Variants in ASCC3 observed in about 807,000 individuals in gnomAD.
The protein encoded by ASCC3 is ASC-1 complex subunit P200.
ASCC3 carries 158 observed loss-of-function variants against 256.3 expected under a neutral mutation model. The observed-to-expected ratio is 0.62, with a 90% CI of 0.54 to 0.70. The LOEUF (loss-of-function observed/expected upper bound fraction) is 0.70. ASCC3 is among the 30% of genes least tolerant of loss of function. The pLI is 0.00. For missense variants in ASCC3, 2,259 were observed against 2,626.0 expected (o/e 0.86, Z 3.05); for synonymous variants, 948 against 883.4 (o/e 1.07, Z -1.30).
At chr6:100,587,174 C>T (rs1332583576) in intron 36 of ASCC3, among the ~76,000 whole-genome samples, 2 of 152,128 alleles carry the variant, frequency 1.3e-5, no homozygotes, top group Admixed American at 1.3e-4. Context: ...CATCCTGCAC[C>T]CTACAGCTTC....
intron 11 of ASCC3, among the ~76,000 whole-genome samples, chr6:100,723,845 G>A (rs1332198773): frequency 7.8e-6 from 1 of 127,866 alleles, no homozygotes; most frequent in Non-Finnish European, 1.6e-5. Context: ...GATATGGCCA[G>A]AAGTTATTAG....
intron 36 of ASCC3, 32 bp from the exon 37 acceptor site, chr6:100,540,419 A>G (rs1021880892): frequency 5.9e-6 from 9 of 1,531,684 alleles, no homozygotes; most frequent in Middle Eastern, 4.0e-4. Context: ...ACATTGTTGG[A>G]TCAAAGTATA....
At chr6:100,625,398 G>T (rs2145358) in intron 29 of ASCC3, 64 bp from the exon 30 acceptor site, 1 of 1,564,134 alleles carries the variant, frequency 6.4e-7, no homozygotes, top group Non-Finnish European at 8.8e-7. Flanking sequence ...AATTTCATTA[G>T]GATATCAAAT....
intron 4 of ASCC3, among the ~76,000 whole-genome samples, chr6:100,819,276 A>T (rs1006394373): frequency 6.6e-6 from 1 of 152,064 alleles, no homozygotes; most frequent in African/African-American, 2.4e-5. Context: ...TATCAAACCT[A>T]CACGTTGTGC....
At chr6:100,655,920 T>A in intron 16 of ASCC3, 102 bp from the exon 17 acceptor site, 1 of 1,339,686 alleles carries the variant, frequency 7.5e-7, no homozygotes, top group Non-Finnish European at 1.1e-6. Context: ...AATACATCAT[T>A]ATGCAGTATT....
intron 25 of ASCC3, among the ~76,000 whole-genome samples, 167 bp downstream of exon 25, chr6:100,638,434 A>T (rs995853507): frequency 1.3e-5 from 2 of 152,134 alleles, no homozygotes; most frequent in African/African-American, 4.8e-5. Context: ...ATATAACCAA[A>T]CTCATGATAT....
At chr6:100,741,057 T>A (rs1780412688) in intron 10 of ASCC3, among the ~76,000 whole-genome samples, 1 of 152,224 alleles carries the variant, frequency 6.6e-6, no homozygotes, top group African/African-American at 2.4e-5. Context: ...TCTTCAAGAG[T>A]TCTTGCAAGG....
Position 100,758,976 on chromosome 6 carries a change from A to C in ASCC3, c.1737+7589T>G, listed in dbSNP as rs151109533. Among the ~76,000 whole-genome samples, 32 of 152,216 alleles carry C rather than the reference A, an allele frequency of 2.1e-4. 1 individual carries two copies. The highest frequency in any genetic ancestry group is 7.5e-4 in the African/African-American group (31 of 41,544). On this transcript the variant is annotated intron_variant, in intron 10 of 41. Transcript: ENST00000369162. ...GTCTCTCACTGTGGTTTTGATTTGC[A>C]TTTCTCTAATGATCAGTGATTTTGA...
intron 10 of ASCC3, among the ~76,000 whole-genome samples, chr6:100,744,939 T>G (rs1479829051): frequency 6.6e-6 from 1 of 152,198 alleles, no homozygotes; most frequent in African/African-American, 2.4e-5. Context: ...CAAGAGACTG[T>G]AAGCTTAACT....
rs753791620 is a variant in ASCC3, at chr6:100,518,005, A to G, written c.5913T>C (p.His1971=). The part of the protein sequence containing the change: ...LLTLPNIENH[H]LHLFKKWKPI... ...AAAACAATTACTTGAAAAGGTGAAG[A>G]TGATGGTTTTCTATGTTTGGTAGTG... Residue 1971 remains histidine (H), a synonymous_variant, in exon 38 of 42, where the codon CAT becomes CAC. Coordinates refer to ENST00000369162, the MANE Select transcript of ASCC3 (RefSeq NM_006828.4). 2.2e-5 allele frequency: 36 copies of G among 1,613,322 alleles called. No individual in the cohort carries two copies. The highest frequency in any genetic ancestry group is 2.0e-4 in the South Asian group (18 of 91,060).
At chr6:100,796,809 C>T (rs527454949) in intron 8 of ASCC3, among the ~76,000 whole-genome samples, 6 of 152,202 alleles carry the variant, frequency 3.9e-5, no homozygotes, top group Non-Finnish European at 8.8e-5. Context: ...AATATAGTTT[C>T]ACCAAAAACT....
chr6:100,612,827 GCT>G (rs1483131724), intron 30 of ASCC3, among the ~76,000 whole-genome samples: 2 of 151,886 alleles, frequency 1.3e-5, no homozygotes, highest in African/African-American at 4.8e-5. Context: ...ATACTTCGTT[GCT>G]CTTTCTGACG....
At chr6:100,720,351 C>G (rs1779269892) in intron 11 of ASCC3, among the ~76,000 whole-genome samples, 1 of 151,798 alleles carries the variant, frequency 6.6e-6, no homozygotes, top group Non-Finnish European at 1.5e-5. Flanking sequence ...GTAATTCATT[C>G]TGATTCAGTA....
At chr6:100,826,165 T>G (rs918162812) in intron 4 of ASCC3, among the ~76,000 whole-genome samples, 52 of 151,980 alleles carry the variant, frequency 3.4e-4, no homozygotes, top group African/African-American at 1.1e-3. Flanking sequence ...ACAGTCTCCC[T>G]CTATCACCCA....
At chr6:100,766,429 G>A (rs1028008413) in intron 10 of ASCC3, 136 bp downstream of exon 10, 13 of 927,532 alleles carry the variant, frequency 1.4e-5, no homozygotes, top group Non-Finnish European at 2.1e-5. Context: ...GAGACAAGAT[G>A]TGGTTACAAA....
chr6:100,743,671 C>A (rs550876275), intron 10 of ASCC3, among the ~76,000 whole-genome samples: 1 of 152,138 alleles, frequency 6.6e-6, no homozygotes, highest in South Asian at 2.1e-4. Flanking sequence ...TTCTTAGAGC[C>A]TCATTTATCA....
intron 30 of ASCC3, among the ~76,000 whole-genome samples, chr6:100,618,204 C>G (rs867003953): frequency 1.3e-5 from 2 of 152,158 alleles, no homozygotes; most frequent in African/African-American, 4.8e-5. Flanking sequence ...GCAATGAAAA[C>G]TGTTGATCAT....
intron 33 of ASCC3, among the ~76,000 whole-genome samples, chr6:100,603,344 A>G (rs1187646743): frequency 6.6e-6 from 1 of 152,116 alleles, no homozygotes; most frequent in Admixed American, 6.6e-5. Context: ...ACAGTTGTGT[A>G]ATCAACATCA....
intron 3 of ASCC3, among the ~76,000 whole-genome samples, chr6:100,863,802 T>C (rs1773339747): frequency 6.6e-6 from 1 of 152,082 alleles, no homozygotes; most frequent in South Asian, 2.1e-4. Flanking sequence ...TTTGTATTTT[T>C]AGTAGAGACA....
Sources: gnomAD v4.1 joint callset for allele counts (sites outside exome capture counted in the v4.1 genomes callset) on GRCh38, gnomAD v4.1.1 for gene constraint, MANE v1.5 for transcripts, NCBI Gene and HGNC (gene_info 2026-07-23, HGNC 2026-07-21) for gene names.